Variants in NAA25 observed in about 807,000 individuals in gnomAD.
NAA25 encodes N-alpha-acetyltransferase 25, NatB auxiliary subunit.
In NAA25, 30 loss-of-function variants were observed where a neutral mutation model predicts 132.5. The ratio of observed to expected loss-of-function variants is 0.23; its 90% CI spans 0.17 to 0.31. The LOEUF (loss-of-function observed/expected upper bound fraction) is 0.31, where lower values mean the gene tolerates loss of function less well. Among genes scored for constraint, NAA25 ranks in the 10% least tolerant of loss-of-function variants. NAA25 has a pLI of 1.00. For synonymous variants in NAA25, 359 were observed against 401.9 expected (o/e 0.89, Z 1.28); for missense variants, 771 against 1,150.4 (o/e 0.67, Z 4.77).
At chr12:112,103,941 T>C (rs1593845616) in intron 1 of NAA25, among the ~76,000 whole-genome samples, 1 of 152,156 alleles carries the variant, frequency 6.6e-6, no homozygotes, top group East Asian at 1.9e-4. Context: ...CAGGCAGTAA[T>C]GCTCTCCCCC....
Position 112,043,092 on chromosome 12 carries a change from A to G in NAA25, c.2370T>C (p.Gly790=). Reference sequence around the variant, plus strand: ...AAACACACAGTGTACACTTACCTAAACCACTGGTATCCAGCTCATAAATAT... The same window carrying G: ...AAACACACAGTGTACACTTACCTAAGCCACTGGTATCCAGCTCATAAATAT... The part of the protein sequence containing the change: ...VNDIYELDTS[G]LEDTMEIQER... The change falls in exon 19 of 24, where the codon GGT becomes GGC. Residue 790 remains glycine (G), a synonymous_variant. Transcript: ENST00000261745. 1 of 1,609,508 alleles carries G rather than the reference A, an allele frequency of 6.2e-7. No individual in the cohort carries two copies. Among genetic ancestry groups the G allele is most frequent in the Non-Finnish European group, 8.5e-7 (1 of 1,177,934 alleles).
intron 1 of NAA25, among the ~76,000 whole-genome samples, chr12:112,100,924 C>T (rs763075713): frequency 6.6e-6 from 1 of 152,074 alleles, no homozygotes; most frequent in Non-Finnish European, 1.5e-5. Flanking sequence ...GGCCTGATTC[C>T]ACTGTCTTTA....
intron 5 of NAA25, among the ~76,000 whole-genome samples, chr12:112,080,294 A>C (rs77415361): frequency 0.079 from 11,813 of 150,008 alleles, 550 homozygotes; most frequent in East Asian, 0.22. Context: ...AAAAAAAAAA[A>C]AAAAAACCCA....
intron 1 of NAA25, among the ~76,000 whole-genome samples, chr12:112,099,011 A>G (rs1438144896): frequency 6.6e-6 from 1 of 150,796 alleles, no homozygotes; most frequent in African/African-American, 2.4e-5. Flanking sequence ...TTTTGGAGAC[A>G]GAGTCTCACT....
intron 5 of NAA25, among the ~76,000 whole-genome samples, chr12:112,080,278 CAA>C (rs762037242): frequency 0.076 from 3,857 of 50,892 alleles, 203 homozygotes; most frequent in East Asian, 0.47. Context: ...GACTCTGTCT[CAA>C]AAAAAAAAAA....
chr12:112,048,098 A>AC (rs2078413482), intron 16 of NAA25, among the ~76,000 whole-genome samples, 194 bp downstream of exon 16: 1 of 152,100 alleles, frequency 6.6e-6, no homozygotes. Flanking sequence ...GGCTTCTGTA[A>AC]TGGTCTCAAG....
At chr12:112,097,807 G>A (rs529330018) in intron 1 of NAA25, among the ~76,000 whole-genome samples, 5 of 151,920 alleles carry the variant, frequency 3.3e-5, no homozygotes, top group Non-Finnish European at 5.9e-5. Flanking sequence ...AAGTTGATGA[G>A]TAAGCAGGAA....
intron 17 of NAA25, among the ~76,000 whole-genome samples, chr12:112,045,601 C>G (rs1275739215): frequency 6.6e-6 from 1 of 151,856 alleles, no homozygotes; most frequent in Non-Finnish European, 1.5e-5. Context: ...TTGAGATCAG[C>G]CTGGCCAACA....
In NAA25 at chr12:112,047,681, A is replaced by G; in HGVS notation, c.1990T>C (p.Trp664Arg). ...DNRDLNVFFS[W>R]DPKDRDVSEE... is the part of the protein sequence containing the mutation. ...TCCAGTTACCTGTCTTTTGGATCCC[A>G]GCTGAAAAAAACATTTAAGTCTCTG... Residue 664 changes from tryptophan to arginine, a missense_variant, in exon 17 of 24, where the codon TGG becomes CGG. Trp to Arg is a moderately radical substitution (Grantham distance 101). This residue lies in a region of NAA25 where 324 missense variants were observed against 400.0 expected (regional missense o/e 0.81). Coordinates refer to ENST00000261745, the MANE Select transcript of NAA25 (RefSeq NM_024953.4). 6.2e-7 allele frequency: 1 copy of G among 1,613,024 alleles called. No homozygotes were observed. Among genetic ancestry groups the G allele is most frequent in the Non-Finnish European group, 8.5e-7 (1 of 1,179,754 alleles).
chr12:112,092,918 C>T (rs189531800), intron 2 of NAA25, 133 bp downstream of exon 2: 6 of 517,612 alleles, frequency 1.2e-5, no homozygotes, highest in African/African-American at 2.0e-5. Context: ...CATCGTGATC[C>T]GCTTGCCTCG....
intron 22 of NAA25, among the ~76,000 whole-genome samples, chr12:112,036,191 C>A (rs1358527457): frequency 6.6e-6 from 1 of 152,104 alleles, no homozygotes; most frequent in Non-Finnish European, 1.5e-5. Flanking sequence ...AGCCCTAAAA[C>A]TGAATACAAA....
At chr12:112,075,651 A>G in intron 8 of NAA25, 27 bp downstream of exon 8, 2 of 1,579,572 alleles carry the variant, frequency 1.3e-6, no homozygotes, top group South Asian at 1.1e-5. Flanking sequence ...CTACAGTCAA[A>G]TGGTACAAAA....
chr12:112,054,356 G>T, intron 14 of NAA25, 32 bp downstream of exon 14: 1 of 1,592,098 alleles, frequency 6.3e-7, no homozygotes, highest in Non-Finnish European at 8.6e-7. Context: ...GGTATAGCTG[G>T]CTGCTCATTA....
At chr12:112,044,808 G>A (rs1164930597) in intron 17 of NAA25, among the ~76,000 whole-genome samples, 1 of 151,584 alleles carries the variant, frequency 6.6e-6, no homozygotes, top group East Asian at 1.9e-4. Context: ...TTGGGAAGCT[G>A]AGGTGAGAGA....
In NAA25 at chr12:112,054,478, A is replaced by G. The variant is rs756951514; in HGVS notation, c.1538T>C (p.Val513Ala). The G allele has an allele frequency of 6.2e-7, 1 of 1,614,178 alleles. No homozygotes were observed. The highest frequency in any genetic ancestry group is 1.1e-5 in the South Asian group (1 of 91,088). Residue 513 changes from valine (V) to alanine (A), a missense_variant, in exon 14 of 24, where the codon GTT (valine) becomes GCT (alanine). Transcript: ENST00000261745. ...TGCACCCAGCATACAGTAGATTCGA[A>G]CAAGCAGCAATTTGAACTGAGCATT... is the stretch of plus-strand genomic sequence containing the variant. The part of the protein sequence containing the change: ...PSNAQFKLLL[V>A]RIYCMLGAFE...
intron 4 of NAA25, among the ~76,000 whole-genome samples, chr12:112,083,713 A>C (rs1210924036): frequency 6.6e-6 from 1 of 152,140 alleles, no homozygotes; most frequent in African/African-American, 2.4e-5. Context: ...TTTTACAATC[A>C]AAAGAAAAAA....
At chr12:112,067,365 A>C (rs2078734940) in intron 11 of NAA25, among the ~76,000 whole-genome samples, 1 of 152,220 alleles carries the variant, frequency 6.6e-6, no homozygotes, top group African/African-American at 2.4e-5. Context: ...CTTGTATCTA[A>C]GATATATAAA....
intron 10 of NAA25, among the ~76,000 whole-genome samples, chr12:112,071,147 G>A (rs2078801336): frequency 1.3e-5 from 2 of 152,000 alleles, no homozygotes. Context: ...GCCTCCCAAA[G>A]TGCTGGGATT....
intron 19 of NAA25, among the ~76,000 whole-genome samples, chr12:112,042,721 G>A (rs1389570073): frequency 6.6e-6 from 1 of 152,148 alleles, no homozygotes; most frequent in Admixed American, 6.5e-5. Context: ...TGGCCAGGCT[G>A]GTCTCGAACT....
Sources: gnomAD v4.1 joint callset for allele counts (sites outside exome capture counted in the v4.1 genomes callset) on GRCh38, gnomAD v4.1.1 for gene constraint, gnomAD v4.1.1 regional missense constraint, MANE v1.5 for transcripts, NCBI Gene and HGNC (gene_info 2026-07-23, HGNC 2026-07-21) for gene names.